PABPC4L: variants seen among roughly 807,000 people sequenced by gnomAD.
PABPC4L encodes the protein polyadenylate-binding protein 4-like.
For missense variants in PABPC4L, 452 were observed against 451.4 expected, an observed-to-expected ratio of 1.00 and a Z score of -0.01; for synonymous variants, 169 against 164.1, an observed-to-expected ratio of 1.03 and a Z score of -0.23.
chr4:134,183,923 T>C, the PABPC4L span, among the ~76,000 whole-genome samples: 13 of 149,844 alleles, frequency 8.7e-5, no homozygotes, highest in African/African-American at 1.2e-4. Flanking sequence ...TGTGTGTGCG[T>C]GTGTGTGTGT....
chr4:133,970,526 G>A, the PABPC4L span, among the ~76,000 whole-genome samples: 16 of 152,260 alleles, frequency 1.1e-4, no homozygotes, highest in African/African-American at 3.6e-4. Flanking sequence ...AATTAAATAT[G>A]TTCCTAGTTA....
the PABPC4L span, among the ~76,000 whole-genome samples, chr4:134,166,306 A>G: frequency 6.6e-6 from 1 of 152,226 alleles, no homozygotes; most frequent in Non-Finnish European, 1.5e-5. Flanking sequence ...ATATATATGT[A>G]GATAGATGAT....
chr4:133,963,279 A>C, the PABPC4L span, among the ~76,000 whole-genome samples: 3 of 152,196 alleles, frequency 2.0e-5, no homozygotes, highest in Non-Finnish European at 4.4e-5. Context: ...GTCTTGTCCA[A>C]CAGGAAAATA....
chr4:134,195,021 T>C (rs2126195966), downstream of PABPC4L, among the ~76,000 whole-genome samples: 1 of 151,918 alleles, frequency 6.6e-6, no homozygotes, highest in East Asian at 1.9e-4. Flanking sequence ...ATATAACTGA[T>C]GGCCTTTTGC....
chr4:133,996,195 T>A, the PABPC4L span, among the ~76,000 whole-genome samples: 3 of 152,230 alleles, frequency 2.0e-5, no homozygotes, highest in East Asian at 5.8e-4. Context: ...AGGTGACGGT[T>A]CCTCCTCCCT....
the PABPC4L span, among the ~76,000 whole-genome samples, chr4:133,996,561 A>G: frequency 6.6e-6 from 1 of 152,130 alleles, no homozygotes; most frequent in Admixed American, 6.5e-5. Flanking sequence ...TGCAGGCACC[A>G]ATGACTTACT....
chr4:134,022,511 G>T, the PABPC4L span, among the ~76,000 whole-genome samples: 1 of 151,940 alleles, frequency 6.6e-6, no homozygotes, highest in African/African-American at 2.4e-5. Flanking sequence ...TTCTTAACTG[G>T]CTCATAATTT....
the PABPC4L span, among the ~76,000 whole-genome samples, chr4:134,016,022 C>A: frequency 6.6e-6 from 1 of 152,160 alleles, no homozygotes; most frequent in Non-Finnish European, 1.5e-5. Flanking sequence ...CTCATGACTG[C>A]ATCTCTCTGA....
At chr4:134,016,671 C>G in the PABPC4L span, among the ~76,000 whole-genome samples, 1 of 152,154 alleles carries the variant, frequency 6.6e-6, no homozygotes, top group Non-Finnish European at 1.5e-5. Flanking sequence ...CTTCCAGCCT[C>G]ACAGGCCCAT....
chr4:134,089,317 C>T, the PABPC4L span, among the ~76,000 whole-genome samples: 1 of 152,034 alleles, frequency 6.6e-6, no homozygotes, highest in Admixed American at 6.6e-5. Context: ...ACTTCCTACG[C>T]TCACGCACCC....
the PABPC4L span, among the ~76,000 whole-genome samples, chr4:134,123,763 GA>G: frequency 6.6e-6 from 1 of 151,356 alleles, no homozygotes; most frequent in Non-Finnish European, 1.5e-5. Flanking sequence ...ATGCCTAAGA[GA>G]AAGGCATAGA....
chr4:133,977,815 GT>G, the PABPC4L span, among the ~76,000 whole-genome samples: 4 of 152,160 alleles, frequency 2.6e-5, no homozygotes, highest in Non-Finnish European at 5.9e-5. Flanking sequence ...CAGATGCTAT[GT>G]ATTTTCTAGA....
At chr4:134,110,421 T>G in the PABPC4L span, among the ~76,000 whole-genome samples, 1 of 151,944 alleles carries the variant, frequency 6.6e-6, no homozygotes, top group Non-Finnish European at 1.5e-5. Context: ...AAGCAGAGTA[T>G]GAAAAATATT....
At chr4:134,023,680 A>G in the PABPC4L span, among the ~76,000 whole-genome samples, 1 of 152,166 alleles carries the variant, frequency 6.6e-6, no homozygotes, top group East Asian at 1.9e-4. Context: ...TTAAGAAACA[A>G]AAGAGGGTGT....
the PABPC4L span, among the ~76,000 whole-genome samples, chr4:134,047,474 T>C: frequency 6.6e-6 from 1 of 152,146 alleles, no homozygotes; most frequent in Non-Finnish European, 1.5e-5. Flanking sequence ...GGCACGTCTT[T>C]GAATTGAGGT....
At chr4:134,001,396 C>T in the PABPC4L span, among the ~76,000 whole-genome samples, 1 of 151,806 alleles carries the variant, frequency 6.6e-6, no homozygotes, top group Non-Finnish European at 1.5e-5. Context: ...TTGATGTGAC[C>T]CCTTTATTTT....
the PABPC4L span, among the ~76,000 whole-genome samples, chr4:134,019,362 T>C: frequency 2.0e-5 from 3 of 152,154 alleles, no homozygotes; most frequent in Non-Finnish European, 4.4e-5. Context: ...TTTTGATGCT[T>C]CTTTTGGGGT....
At chr4:134,196,044 A>G (rs982272302), downstream of PABPC4L, among the ~76,000 whole-genome samples, 1 of 151,480 alleles carries the variant, frequency 6.6e-6, no homozygotes, top group African/African-American at 2.4e-5. Flanking sequence ...GAGTAAGTCA[A>G]TTCTAAGCAC....
chr4:134,049,263 T>C, the PABPC4L span, among the ~76,000 whole-genome samples: 1 of 152,064 alleles, frequency 6.6e-6, no homozygotes, highest in Non-Finnish European at 1.5e-5. Flanking sequence ...CTATAAAGTA[T>C]TCAAAAAACT....
Sources: allele counts gnomAD v4.1 joint callset (sites outside exome capture counted in the v4.1 genomes callset), GRCh38; gene constraint gnomAD v4.1.1; transcripts MANE v1.5; gene names NCBI Gene and HGNC (gene_info 2026-07-23, HGNC 2026-07-21).